TBC1D5: variants seen among roughly 807,000 people sequenced by gnomAD.
TBC1D5 encodes the protein TBC1 domain family, member 5.
In TBC1D5, 75 loss-of-function variants were observed where a neutral mutation model predicts 100.3. The ratio of observed to expected loss-of-function variants is 0.75; its 90% CI spans 0.62 to 0.91. The LOEUF is 0.91. Ranked by LOEUF, TBC1D5 falls within the 40% of genes least tolerant of loss-of-function variation. The pLI, the probability that TBC1D5 is intolerant of heterozygous loss-of-function variation, is 0.00. For synonymous variants in TBC1D5, 323 were observed against 325.6 expected, an observed-to-expected ratio of 0.99 and a Z score of 0.09; for missense variants, 910 against 942.4, an observed-to-expected ratio of 0.97 and a Z score of 0.45.
At chr3:17,742,233 C>A (rs2077523445), upstream of TBC1D5, among the ~76,000 whole-genome samples, 1 of 152,168 alleles carries the variant, frequency 6.6e-6, no homozygotes. Context: ...CCGACGCCGA[C>A]TCCGAGGCGC....
At position 17,528,229 on chromosome 3, in the gene TBC1D5, G is replaced by C. The variant is rs186642773; in HGVS notation, c.-35-19624C>G. Among the ~76,000 whole-genome samples, 13 of 152,272 alleles carry C rather than the reference G, an allele frequency of 8.5e-5. 1 individual carries two copies. The East Asian group carries it at 2.3e-3, about 27-fold the overall frequency. On this transcript the variant is annotated intron_variant, in intron 2 of 21. Transcript: ENST00000253692. ...CGTGAGCCACCGTACCCAGCCCCCA[G>C]TGCAGCAGTATTAAGAGGTAGGGCC...
At chr3:17,574,893 C>T (rs1436051097) in intron 2 of TBC1D5, among the ~76,000 whole-genome samples, 2 of 152,056 alleles carry the variant, frequency 1.3e-5, no homozygotes, top group African/African-American at 2.4e-5. Context: ...TGAATTGCTA[C>T]AGGAACAACA....
At chr3:17,388,217 A>G (rs564183368) in intron 8 of TBC1D5, among the ~76,000 whole-genome samples, 8 of 152,238 alleles carry the variant, frequency 5.3e-5, no homozygotes, top group African/African-American at 1.9e-4. Flanking sequence ...AACCATATTT[A>G]AACAAATTTT....
At chr3:17,525,627 T>C (rs1490377080) in intron 2 of TBC1D5, among the ~76,000 whole-genome samples, 1 of 152,048 alleles carries the variant, frequency 6.6e-6, no homozygotes, top group Non-Finnish European at 1.5e-5. Context: ...GGTAATAATG[T>C]CTATGGTTCC....
At chr3:17,467,141 T>C (rs1050859683) in intron 3 of TBC1D5, among the ~76,000 whole-genome samples, 79 of 152,116 alleles carry the variant, frequency 5.2e-4, no homozygotes, top group African/African-American at 1.8e-3. Context: ...TGTTTTACTA[T>C]AGATAAAATG....
At chr3:17,583,027 A>G (rs2096709589) in intron 2 of TBC1D5, among the ~76,000 whole-genome samples, 2 of 152,128 alleles carry the variant, frequency 1.3e-5, no homozygotes, top group Admixed American at 1.3e-4. Flanking sequence ...GCTTATGCCT[A>G]TAATCCCAGC....
intron 17 of TBC1D5, among the ~76,000 whole-genome samples, chr3:17,216,835 C>T (rs1255822965): frequency 6.6e-6 from 1 of 152,126 alleles, no homozygotes; most frequent in South Asian, 2.1e-4. Flanking sequence ...TGTGAATACA[C>T]TTTCATTATA....
At chr3:17,371,679 AGTT>A (rs2092466927) in intron 13 of TBC1D5, among the ~76,000 whole-genome samples, 2 of 152,330 alleles carry the variant, frequency 1.3e-5, no homozygotes, top group African/African-American at 4.8e-5. Flanking sequence ...GAGAAGGAAC[AGTT>A]GTTATTTTTA....
Position 17,503,114 on chromosome 3 carries a change from A to C in TBC1D5, c.97+5360T>G, listed in dbSNP as rs1390275331. On this transcript the variant is annotated intron_variant, in intron 3 of 21. Coordinates refer to ENST00000253692, the Ensembl canonical transcript of TBC1D5. The stretch of plus-strand genomic sequence containing the variant: ...ACAAGATCCTTTCACTGAAATACCC[A>C]CCGTTCTTCATATAAGGGAGCTTCA... Among the ~76,000 whole-genome samples the C allele has an allele frequency of 1.3e-5, 2 of 149,418 alleles. 1 individual carries two copies. Among genetic ancestry groups the C allele is most frequent in the Admixed American group, 1.3e-4 (2 of 15,160 alleles).
intron 13 of TBC1D5, among the ~76,000 whole-genome samples, chr3:17,334,460 T>G (rs1368304157): frequency 6.6e-6 from 1 of 152,158 alleles, no homozygotes; most frequent in Non-Finnish European, 1.5e-5. Flanking sequence ...AGTTAATTAT[T>G]ATGTCCCCAT....
At chr3:17,603,351 A>G (rs1198809327) in intron 2 of TBC1D5, among the ~76,000 whole-genome samples, 2 of 152,148 alleles carry the variant, frequency 1.3e-5, no homozygotes, top group Non-Finnish European at 2.9e-5. Flanking sequence ...TGCGTAAAGC[A>G]GCCAGAAGAA....
At chr3:17,207,055 C>T (rs2072291542) in intron 18 of TBC1D5, among the ~76,000 whole-genome samples, 1 of 152,136 alleles carries the variant, frequency 6.6e-6, no homozygotes, top group Non-Finnish European at 1.5e-5. Flanking sequence ...ATACCTCAGC[C>T]TCCCAAGTAG....
At chr3:17,697,974 A>G (rs1451910654) in intron 1 of TBC1D5, among the ~76,000 whole-genome samples, 1 of 151,738 alleles carries the variant, frequency 6.6e-6, no homozygotes, top group Non-Finnish European at 1.5e-5. Flanking sequence ...TGCCCAAGGT[A>G]ATTTACAGAT....
intron 1 of TBC1D5, among the ~76,000 whole-genome samples, chr3:17,694,359 G>C (rs2071663635): frequency 6.6e-6 from 1 of 152,194 alleles, no homozygotes; most frequent in Non-Finnish European, 1.5e-5. Flanking sequence ...AAAAATGTTA[G>C]ATGAATGGCT....
chr3:17,208,460 G>C (rs2072529558), intron 18 of TBC1D5, among the ~76,000 whole-genome samples: 1 of 152,242 alleles, frequency 6.6e-6, no homozygotes, highest in Non-Finnish European at 1.5e-5. Context: ...ATCCGATTAA[G>C]TGCCCAGAAT....
At chr3:17,367,033 G>A (rs1473762755) in intron 13 of TBC1D5, among the ~76,000 whole-genome samples, 4 of 152,124 alleles carry the variant, frequency 2.6e-5, no homozygotes, top group Non-Finnish European at 2.9e-5. Context: ...AAGCCCAAGC[G>A]TGTTATGAGG....
intron 16 of TBC1D5, among the ~76,000 whole-genome samples, chr3:17,238,801 T>C (rs989882512): frequency 7.2e-5 from 11 of 152,138 alleles, no homozygotes; most frequent in African/African-American, 2.7e-4. Flanking sequence ...GACTGGACTA[T>C]GAAGGACAGG....
chr3:17,248,238 C>T (rs997077231), intron 16 of TBC1D5, among the ~76,000 whole-genome samples: 3 of 152,198 alleles, frequency 2.0e-5, no homozygotes, highest in East Asian at 1.9e-4. Flanking sequence ...GTGATCTGCT[C>T]GCCTTGGCCT....
At chr3:17,403,077 C>A in intron 8 of TBC1D5, 104 bp downstream of exon 8, 1 of 905,924 alleles carries the variant, frequency 1.1e-6, no homozygotes, top group Non-Finnish European at 1.7e-6. Context: ...AAGTAGAATA[C>A]TGCATTCAAT....
Sources: gnomAD v4.1 joint callset for allele counts (sites outside exome capture counted in the v4.1 genomes callset) on GRCh38, gnomAD v4.1.1 for gene constraint, MANE v1.5 for transcripts, NCBI Gene and HGNC (gene_info 2026-07-23, HGNC 2026-07-21) for gene names.